The following EML6 variants were observed in gnomAD, a reference collection of about 807,000 sequenced individuals.
EML6 encodes the protein EMAP like 6.
Under a neutral mutation model 240.1 loss-of-function variants are expected in EML6, and 154 were observed. The ratio of observed to expected loss-of-function variants is 0.64; its 90% CI spans 0.56 to 0.73. The LOEUF is 0.73. EML6 is among the 30% of genes least tolerant of loss of function. The probability of loss-of-function intolerance (pLI) is 0.00; values close to 1 mark genes in which losing one functional copy is unlikely to be tolerated. For missense variants in EML6, 2,964 were observed against 2,474.6 expected (o/e 1.20, Z -4.20); for synonymous variants, 1,148 against 899.0 (o/e 1.28, Z -4.95).
At chr2:54,729,392 G>T (rs371256458) in intron 2 of EML6, among the ~76,000 whole-genome samples, 1 of 152,200 alleles carries the variant, frequency 6.6e-6, no homozygotes, top group Non-Finnish European at 1.5e-5. Flanking sequence ...ATTTGTAAGC[G>T]TATATAAGAC....
intron 2 of EML6, chr2:54,747,187 T>G (rs1205059556): frequency 6.6e-6 from 1 of 152,234 alleles, no homozygotes; most frequent in African/African-American, 2.4e-5. Context: ...AATTAAAGAT[T>G]TTTAGAACTT....
intron 2 of EML6, among the ~76,000 whole-genome samples, chr2:54,735,168 A>C (rs1320334477): frequency 2.0e-5 from 3 of 152,224 alleles, no homozygotes; most frequent in Non-Finnish European, 4.4e-5. Context: ...CTGACAGCTC[A>C]AGACTATCTT....
intron 26 of EML6, 67 bp downstream of exon 26, chr2:54,917,002 G>A (rs962629687): frequency 7.9e-7 from 1 of 1,267,954 alleles, no homozygotes; most frequent in Non-Finnish European, 1.1e-6. Flanking sequence ...TTGTATCTAA[G>A]TGCATTTTTA....
At position 54,767,597 on chromosome 2, in the gene EML6, AGTGTGTGTGTGTGTGTGT is replaced by A. The variant is rs111232633; in HGVS notation, c.197+42356_197+42373del. ...TATACAGTAATTAAGTGGTATGAAG[AGTGTGTGTGTGTGTGTGT>A]GTGTGTGTGTGTGTGTATGTGTGTG... On this transcript the variant is annotated intron_variant, in intron 2 of 41. Transcript: ENST00000356458. Among the ~76,000 whole-genome samples the A allele has an allele frequency of 8.9e-5, 13 of 145,618 alleles. No individual in the cohort carries two copies. The South Asian group carries it at 2.9e-3, about 33-fold the overall frequency.
At chr2:54,894,814 C>T in intron 19 of EML6, 101 bp from the exon 20 acceptor site, 2 of 674,844 alleles carry the variant, frequency 3.0e-6, no homozygotes, top group Admixed American at 2.6e-5. Flanking sequence ...AGGAAGGTAG[C>T]ATCCACAAAG....
chr2:54,796,925 G>C (rs1380787790), intron 2 of EML6, among the ~76,000 whole-genome samples: 1 of 151,928 alleles, frequency 6.6e-6, no homozygotes, highest in Non-Finnish European at 1.5e-5. Context: ...AGCACTTTGA[G>C]AGGCCGAGGT....
At chr2:54,855,606 C>CAG (rs1176499127) in intron 11 of EML6, among the ~76,000 whole-genome samples, 8 of 152,196 alleles carry the variant, frequency 5.3e-5, no homozygotes, top group African/African-American at 1.9e-4. Flanking sequence ...TAATGGCACA[C>CAG]AGAGGGCATC....
At chr2:54,747,960 T>C (rs1318123775) in intron 2 of EML6, among the ~76,000 whole-genome samples, 5 of 152,208 alleles carry the variant, frequency 3.3e-5, no homozygotes, top group Non-Finnish European at 7.4e-5. Flanking sequence ...ATCCTAATTT[T>C]GTGCTTGGTT....
chr2:54,901,812 T>C (rs757200123), intron 22 of EML6, among the ~76,000 whole-genome samples: 24 of 152,312 alleles, frequency 1.6e-4, no homozygotes, highest in Admixed American at 3.3e-4. Flanking sequence ...ATCCCTGGGG[T>C]GTGCTTACAA....
At chr2:54,814,105 A>G (rs969659947) in intron 3 of EML6, among the ~76,000 whole-genome samples, 4 of 152,242 alleles carry the variant, frequency 2.6e-5, no homozygotes, top group East Asian at 3.8e-4. Flanking sequence ...GGAGTACTCA[A>G]TGAATAAAGT....
chr2:54,844,280 T>C (rs1199619002), intron 8 of EML6, 32 bp downstream of exon 8: 2 of 1,517,158 alleles, frequency 1.3e-6, no homozygotes, highest in Non-Finnish European at 1.8e-6. Flanking sequence ...CTCTCTGACT[T>C]CTTTGAGATG....
At chr2:54,853,185 G>A (rs1377629861) in intron 10 of EML6, among the ~76,000 whole-genome samples, 1 of 152,016 alleles carries the variant, frequency 6.6e-6, no homozygotes, top group South Asian at 2.1e-4. Flanking sequence ...TTTAAAACCT[G>A]GCAAAGCGTT....
chr2:54,953,613 C>T (rs771493429), intron 31 of EML6, among the ~76,000 whole-genome samples: 4 of 152,032 alleles, frequency 2.6e-5, no homozygotes, highest in Non-Finnish European at 5.9e-5. Context: ...TTTTGCAGGC[C>T]GGGCGGCAGT....
At chr2:54,806,186 G>A (rs1475275605) in intron 2 of EML6, among the ~76,000 whole-genome samples, 1 of 151,972 alleles carries the variant, frequency 6.6e-6, no homozygotes, top group South Asian at 2.1e-4. Context: ...TCCTTAGGGA[G>A]GCATCTTCAG....
chr2:54,949,022 C>A (rs1573201494), intron 29 of EML6, 62 bp downstream of exon 29: 2 of 1,199,564 alleles, frequency 1.7e-6, no homozygotes, highest in Admixed American at 4.0e-5. Context: ...GGTAGACATC[C>A]CCATCTGCAC....
chr2:54,864,613 G>A lies in EML6; in HGVS notation c.1932+724G>A, dbSNP rs557345304. Among the ~76,000 whole-genome samples, 90 of 152,302 alleles carry A rather than the reference G, an allele frequency of 5.9e-4. 1 individual carries two copies. The highest frequency in any genetic ancestry group is 2.7e-3 in the South Asian group (13 of 4,832). On this transcript the variant is annotated intron_variant, in intron 13 of 41. Coordinates refer to ENST00000356458, the MANE Select transcript of EML6 (RefSeq NM_001039753.4). ...CAGATTCTGTACATGAATGTGGAAT[G>A]AATAAGACTTCAAATTTCAGATACA...
At chr2:54,821,979 T>A (rs532441321) in intron 5 of EML6, among the ~76,000 whole-genome samples, 1 of 152,260 alleles carries the variant, frequency 6.6e-6, no homozygotes, top group East Asian at 1.9e-4. Context: ...TAAAATATTC[T>A]GTATAATTCC....
intron 32 of EML6, among the ~76,000 whole-genome samples, chr2:54,955,111 C>T (rs1676170846): frequency 6.6e-6 from 1 of 152,240 alleles, no homozygotes; most frequent in Non-Finnish European, 1.5e-5. Context: ...CAGAAGGTGA[C>T]ATGATCTATA....
intron 28 of EML6, among the ~76,000 whole-genome samples, chr2:54,942,743 G>A (rs536799802): frequency 6.6e-6 from 1 of 152,200 alleles, no homozygotes; most frequent in South Asian, 2.1e-4. Flanking sequence ...GCCATGCCCT[G>A]GGTTACATCA....
Sources: gnomAD v4.1 joint callset for allele counts (sites outside exome capture counted in the v4.1 genomes callset) on GRCh38, gnomAD v4.1.1 for gene constraint, MANE v1.5 for transcripts, NCBI Gene and HGNC (gene_info 2026-07-23, HGNC 2026-07-21) for gene names.